Variants in SH2D4B observed in about 807,000 individuals in gnomAD.
SH2D4B encodes SH2 domain-containing protein 4B.
Under a neutral mutation model 61.5 loss-of-function variants are expected in SH2D4B, and 45 were observed. The observed-to-expected ratio is 0.73, with a 90% CI of 0.58 to 0.94. SH2D4B has a LOEUF of 0.94. SH2D4B is among the 40% of genes least tolerant of loss of function. The probability of loss-of-function intolerance (pLI) is 0.00; values close to 1 mark genes in which losing one functional copy is unlikely to be tolerated. For missense variants in SH2D4B, 572 were observed against 574.2 expected (o/e 1.00, Z 0.04); for synonymous variants, 224 against 220.4 (o/e 1.02, Z -0.14).
chr10:80,634,501 A>G lies in SH2D4B; in HGVS notation c.1205A>G (p.His402Arg), dbSNP rs1247507577. ...HATLTDLVDF[H>R]KEEIITVSGG... ...ACGCTCACGGATCTCGTTGATTTCC[A>G]TAAGGTATCCCTCACAGGGATACTA... is the stretch of plus-strand genomic sequence containing the variant. Residue 402 changes from histidine (H) to arginine (R), a missense_variant, in exon 7 of 8, where the codon CAT (histidine) becomes CGT (arginine). Transcript: ENST00000646907. 3 of 1,549,884 alleles carry G rather than the reference A, an allele frequency of 1.9e-6. No homozygotes were observed. The highest frequency in any genetic ancestry group is 2.4e-5 in the East Asian group (1 of 40,900).
intron 4 of SH2D4B, 96 bp downstream of exon 4, chr10:80,588,873 T>C: frequency 6.9e-7 from 1 of 1,457,276 alleles, no homozygotes; most frequent in Non-Finnish European, 9.4e-7. Context: ...TTCCATTCGC[T>C]CACTCACCCC....
At chr10:80,628,966 G>A (rs1842796953) in intron 6 of SH2D4B, among the ~76,000 whole-genome samples, 1 of 150,812 alleles carries the variant, frequency 6.6e-6, no homozygotes, top group African/African-American at 2.4e-5. Context: ...GGAGGTGGAG[G>A]TTGCAGTGAG....
chr10:80,545,590 T>G (rs1841665972), intron 1 of SH2D4B, among the ~76,000 whole-genome samples: 1 of 148,098 alleles, frequency 6.8e-6, no homozygotes, highest in African/African-American at 2.7e-5. Context: ...TTTGCTTGTT[T>G]ACGGTCCATC....
intron 1 of SH2D4B, among the ~76,000 whole-genome samples, chr10:80,552,907 CTT>C (rs1491253654): frequency 8.7e-5 from 13 of 149,616 alleles, no homozygotes; most frequent in African/African-American, 3.2e-4. Flanking sequence ...CTCTCTCTCT[CTT>C]GCTCTCTCTC....
At chr10:80,571,934 G>C (rs1320409859) in intron 3 of SH2D4B, among the ~76,000 whole-genome samples, 3 of 151,748 alleles carry the variant, frequency 2.0e-5, no homozygotes, top group Non-Finnish European at 4.4e-5. Flanking sequence ...CACCACACCC[G>C]GCTAAATTTT....
intron 1 of SH2D4B, among the ~76,000 whole-genome samples, chr10:80,568,499 G>A (rs1008032926): frequency 2.6e-5 from 4 of 152,146 alleles, no homozygotes; most frequent in Admixed American, 2.6e-4. Context: ...CAGGAGCTGC[G>A]GGGCTTGGTC....
intron 7 of SH2D4B, among the ~76,000 whole-genome samples, chr10:80,634,778 C>T (rs1415882736): frequency 6.6e-6 from 1 of 152,138 alleles, no homozygotes; most frequent in Admixed American, 6.5e-5. Context: ...CCTGAGTGCT[C>T]CCTCCTGTTA....
intron 1 of SH2D4B, among the ~76,000 whole-genome samples, chr10:80,561,441 A>G (rs547394324): frequency 1.2e-4 from 19 of 152,236 alleles, no homozygotes; most frequent in Admixed American, 2.0e-4. Flanking sequence ...GCTTGACTCA[A>G]TGAACCAATA....
chr10:80,627,283 T>C (rs946208067), intron 6 of SH2D4B, among the ~76,000 whole-genome samples: 2 of 152,220 alleles, frequency 1.3e-5, no homozygotes, highest in African/African-American at 2.4e-5. Context: ...AACATTCTTA[T>C]ATCTTTCTTC....
intron 1 of SH2D4B, among the ~76,000 whole-genome samples, chr10:80,561,748 T>C (rs1341725768): frequency 1.2e-4 from 19 of 152,258 alleles, no homozygotes; most frequent in Non-Finnish European, 2.2e-4. Context: ...ATTGATATGG[T>C]TTCAGATACC....
chr10:80,547,828 C>T (rs978046120), intron 1 of SH2D4B, among the ~76,000 whole-genome samples: 2 of 152,150 alleles, frequency 1.3e-5, no homozygotes, highest in African/African-American at 4.8e-5. Flanking sequence ...AAGTAAGAAG[C>T]CTCTTGTGCC....
chr10:80,627,090 T>C (rs973802885), intron 6 of SH2D4B, among the ~76,000 whole-genome samples: 39 of 152,094 alleles, frequency 2.6e-4, no homozygotes, highest in African/African-American at 9.4e-4. Context: ...GGAGCCTGAG[T>C]GTGTCGTTTA....
At chr10:80,640,680 G>C (rs1564532771) in intron 7 of SH2D4B, among the ~76,000 whole-genome samples, 1 of 152,120 alleles carries the variant, frequency 6.6e-6, no homozygotes, top group East Asian at 1.9e-4. Context: ...ATTCTAGTTA[G>C]CCATTTGTCT....
intron 1 of SH2D4B, among the ~76,000 whole-genome samples, chr10:80,559,658 G>C (rs190747792): frequency 1.3e-3 from 172 of 131,898 alleles, no homozygotes; most frequent in Non-Finnish European, 1.9e-3. Context: ...TTTTTTTTGA[G>C]ACAGGGTCTC....
chr10:80,571,556 A>T lies in SH2D4B; in HGVS notation c.473A>T (p.Glu158Val). 2 of 1,613,992 alleles carry T rather than the reference A, an allele frequency of 1.2e-6. No individual in the cohort carries two copies. The highest frequency in any genetic ancestry group is 1.7e-6 in the Non-Finnish European group (2 of 1,179,986). ...EDRKAAKVLEERIHEEFKRKE... is the reference protein window; with the variant it reads ...EDRKAAKVLEVRIHEEFKRKE... ...CGCAAGGCTGCCAAAGTCCTGGAGG[A>T]ACGCATCCACGAGGAATTCAAGGTG... is the stretch of plus-strand genomic sequence containing the variant. Residue 158 changes from glutamate to valine, a missense_variant, in exon 3 of 8, where the codon GAA (glutamate) becomes GTA (valine). Glu to Val is a moderately radical substitution (Grantham distance 121). Transcript: ENST00000646907.
At chr10:80,587,265 T>A (rs1842270540) in intron 3 of SH2D4B, among the ~76,000 whole-genome samples, 1 of 150,968 alleles carries the variant, frequency 6.6e-6, no homozygotes, top group African/African-American at 2.4e-5. Flanking sequence ...GAGTAACTCT[T>A]GTTTTTGTTG....
At chr10:80,562,155 G>A (rs1243328436) in intron 1 of SH2D4B, among the ~76,000 whole-genome samples, 1 of 152,014 alleles carries the variant, frequency 6.6e-6, no homozygotes, top group African/African-American at 2.4e-5. Flanking sequence ...ATGCAAGTGA[G>A]ATAATGTGGT....
In SH2D4B at chr10:80,644,735, C is replaced by T. The variant is rs1840366901; in HGVS notation, c.*650C>T. On this transcript the variant is annotated 3_prime_UTR_variant, in exon 8 of 8. Transcript: ENST00000646907. ...TTTAACCTCTTCTTTTGCCACTCGC[C>T]TCTATCTTTGAATCATATTTTGGCC... The T allele has an allele frequency of 6.6e-6, 1 of 152,230 alleles. No homozygotes were observed. Among genetic ancestry groups the T allele is most frequent in the South Asian group, 2.1e-4 (1 of 4,830 alleles). 9.4% of individuals were successfully genotyped at this position (152,230 alleles called of 1,614,324 possible).
At chr10:80,587,055 T>C (rs1675653414) in intron 3 of SH2D4B, among the ~76,000 whole-genome samples, 2 of 150,820 alleles carry the variant, frequency 1.3e-5, no homozygotes, top group Middle Eastern at 3.2e-3. Flanking sequence ...ATTTAAGAAC[T>C]GTAACACTCA....
Sources: gnomAD v4.1 joint callset for allele counts (sites outside exome capture counted in the v4.1 genomes callset) on GRCh38, gnomAD v4.1.1 for gene constraint, MANE v1.5 for transcripts, NCBI Gene and HGNC (gene_info 2026-07-23, HGNC 2026-07-21) for gene names.